The following ADAMTS17 variants were observed in gnomAD, a reference collection of about 807,000 sequenced individuals.
ADAMTS17 encodes ADAM metallopeptidase with thrombospondin type 1 motif 17.
A neutral mutation model predicts 141.5 loss-of-function variants in ADAMTS17; 113 were observed. The observed-to-expected ratio is 0.80, with a 90% CI of 0.69 to 0.93. ADAMTS17 has a LOEUF of 0.93. ADAMTS17 is among the 40% of genes least tolerant of loss of function. The probability of loss-of-function intolerance (pLI) is 0.00; values close to 1 mark genes in which losing one functional copy is unlikely to be tolerated. For missense variants in ADAMTS17, 1,659 were observed against 1,517.9 expected (o/e 1.09, Z -1.54); for synonymous variants, 768 against 630.6 (o/e 1.22, Z -3.27).
At chr15:100,052,715 A>G (rs1174705528) in intron 16 of ADAMTS17, among the ~76,000 whole-genome samples, 2 of 152,220 alleles carry the variant, frequency 1.3e-5, no homozygotes, top group East Asian at 3.8e-4. Context: ...GACTGTGACT[A>G]GGGAACAATC....
intron 8 of ADAMTS17, among the ~76,000 whole-genome samples, chr15:100,165,819 A>G (rs2039928122): frequency 6.6e-6 from 1 of 152,340 alleles, no homozygotes; most frequent in African/African-American, 2.4e-5. Flanking sequence ...TGTTAAGAAG[A>G]ACCTCTGCCC....
chr15:100,296,568 G>C (rs1305988633), intron 3 of ADAMTS17, among the ~76,000 whole-genome samples: 2 of 123,898 alleles, frequency 1.6e-5, no homozygotes, highest in East Asian at 2.3e-4. Context: ...TTGTTTGGAG[G>C]GGGTGAGGGG....
At chr15:100,052,499 G>T (rs2032224143) in intron 16 of ADAMTS17, among the ~76,000 whole-genome samples, 1 of 152,196 alleles carries the variant, frequency 6.6e-6, no homozygotes. Context: ...ATGAATCCAG[G>T]CTGGGGACTT....
At chr15:100,288,505 G>T (rs1220133283) in intron 3 of ADAMTS17, among the ~76,000 whole-genome samples, 1 of 152,178 alleles carries the variant, frequency 6.6e-6, no homozygotes, top group African/African-American at 2.4e-5. Context: ...CTCAACACTT[G>T]ACCAAATGGA....
intron 15 of ADAMTS17, chr15:100,074,113 G>A (rs915651794): frequency 2.6e-5 from 4 of 152,982 alleles, no homozygotes; most frequent in African/African-American, 9.7e-5. Flanking sequence ...ACCCATCCAA[G>A]TACTAACCAG....
intron 15 of ADAMTS17, 47 bp downstream of exon 15, chr15:100,096,309 G>C (rs369970571): frequency 1.2e-6 from 2 of 1,609,468 alleles, no homozygotes; most frequent in Non-Finnish European, 1.7e-6. Context: ...TGTAGGCAAA[G>C]GACACAAAAC....
intron 14 of ADAMTS17, among the ~76,000 whole-genome samples, chr15:100,107,250 G>C (rs1256752778): frequency 6.6e-6 from 1 of 152,156 alleles, no homozygotes; most frequent in South Asian, 2.1e-4. Flanking sequence ...CACTCTGCTA[G>C]GCACTGAGCA....
intron 15 of ADAMTS17, among the ~76,000 whole-genome samples, chr15:100,088,297 T>TC (rs1196765283): frequency 2.0e-5 from 3 of 152,188 alleles, no homozygotes; most frequent in Non-Finnish European, 2.9e-5. Context: ...GTGAAGGACC[T>TC]TTTAAGGAGA....
chr15:100,201,662 CTTAG>C (rs1266823327), intron 7 of ADAMTS17, among the ~76,000 whole-genome samples: 2 of 152,134 alleles, frequency 1.3e-5, no homozygotes, highest in Non-Finnish European at 2.9e-5. Context: ...ATGCAATGTG[CTTAG>C]TTAAAAATAA....
At chr15:100,263,348 A>G (rs2043598072) in intron 4 of ADAMTS17, among the ~76,000 whole-genome samples, 1 of 152,190 alleles carries the variant, frequency 6.6e-6, no homozygotes, top group African/African-American at 2.4e-5. Context: ...GCTTGATTCA[A>G]ACTCAGCCCT....
intron 8 of ADAMTS17, among the ~76,000 whole-genome samples, chr15:100,179,109 A>T (rs1333677670): frequency 6.6e-6 from 1 of 152,198 alleles, no homozygotes; most frequent in Non-Finnish European, 1.5e-5. Context: ...TTAGTTATTT[A>T]AAAATGTACA....
intron 7 of ADAMTS17, among the ~76,000 whole-genome samples, chr15:100,239,446 C>T (rs1340110295): frequency 2.0e-5 from 3 of 152,166 alleles, no homozygotes; most frequent in African/African-American, 7.2e-5. Context: ...CTCTTCAGCT[C>T]TCCAAGGCTA....
chr15:100,100,622 T>G (rs2036037877), intron 14 of ADAMTS17, among the ~76,000 whole-genome samples: 1 of 75,966 alleles, frequency 1.3e-5, no homozygotes, highest in Non-Finnish European at 2.7e-5. Context: ...TGAGCTTGGG[T>G]TTTTTGTGCC....
chr15:100,337,864 T>A (rs1369980828), intron 2 of ADAMTS17, among the ~76,000 whole-genome samples: 1 of 152,250 alleles, frequency 6.6e-6, no homozygotes, highest in Non-Finnish European at 1.5e-5. Context: ...CTATCCTGTC[T>A]ACCTATGAAG....
At chr15:100,082,236 T>C (rs2034789514) in intron 15 of ADAMTS17, among the ~76,000 whole-genome samples, 1 of 152,128 alleles carries the variant, frequency 6.6e-6, no homozygotes, top group Non-Finnish European at 1.5e-5. Flanking sequence ...CAGCTAATTT[T>C]TGTATTTTTG....
In ADAMTS17 at chr15:99,974,175, T is replaced by C. The variant is rs1370524591; in HGVS notation, c.*227A>G. ...TGAAATCCTAGAAATTGAAGTTACT[T>C]TGTGACTCATGCCTACTTTCTCCTC... On this transcript the variant is annotated 3_prime_UTR_variant, in exon 22 of 22. Coordinates refer to ENST00000268070, the MANE Select transcript of ADAMTS17 (RefSeq NM_139057.4). 1.7e-6 allele frequency: 1 copy of C among 589,080 alleles called. No homozygotes were observed. The highest frequency in any genetic ancestry group is 3.0e-6 in the Non-Finnish European group (1 of 332,468). 36.5% of individuals were successfully genotyped at this position (589,080 alleles called of 1,614,324 possible). A position where few individuals can be genotyped will look rare whatever the true frequency, so the allele number is the denominator to read the frequency against.
chr15:100,070,488 G>C (rs566355285), intron 15 of ADAMTS17, among the ~76,000 whole-genome samples: 1 of 150,156 alleles, frequency 6.7e-6, no homozygotes, highest in African/African-American at 2.5e-5. Context: ...CCACTTAGTT[G>C]GAAGTAAAGT....
intron 15 of ADAMTS17, among the ~76,000 whole-genome samples, chr15:100,093,161 A>G (rs2035571007): frequency 6.6e-6 from 1 of 152,078 alleles, no homozygotes; most frequent in Admixed American, 6.5e-5. Flanking sequence ...AACGCCCTAC[A>G]CTCAGGATGC....
intron 3 of ADAMTS17, among the ~76,000 whole-genome samples, chr15:100,320,058 A>C (rs7167941): frequency 0.068 from 10,400 of 152,250 alleles, 834 homozygotes; most frequent in East Asian, 0.24. Context: ...TATTGAATAT[A>C]ATTGCGAAAA....
Sources: allele counts gnomAD v4.1 joint callset (sites outside exome capture counted in the v4.1 genomes callset), GRCh38; gene constraint gnomAD v4.1.1; transcripts MANE v1.5; gene names NCBI Gene and HGNC (gene_info 2026-07-23, HGNC 2026-07-21).